The following TP63 variants were observed in gnomAD, a reference collection of about 807,000 sequenced individuals.
TP63 encodes the protein tumor protein 63.
Under a neutral mutation model 82.8 loss-of-function variants are expected in TP63, and 17 were observed. The observed-to-expected ratio is 0.21, with a 90% CI of 0.14 to 0.31. TP63 has a LOEUF of 0.31. Ranked by LOEUF, TP63 falls within the 10% of genes least tolerant of loss-of-function variation. TP63 has a pLI of 1.00. For synonymous variants in TP63, 330 were observed against 321.7 expected, an observed-to-expected ratio of 1.03 and a Z score of -0.28; for missense variants, 648 against 895.3, an observed-to-expected ratio of 0.72 and a Z score of 3.52.
intron 1 of TP63, among the ~76,000 whole-genome samples, chr3:189,692,044 G>A (rs907345306): frequency 3.3e-5 from 5 of 151,874 alleles, no homozygotes; most frequent in African/African-American, 1.2e-4. Flanking sequence ...TGTCATCTTC[G>A]GAAGCACCTA....
chr3:189,727,646 G>A (rs569396540), intron 1 of TP63, among the ~76,000 whole-genome samples: 1 of 152,098 alleles, frequency 6.6e-6, no homozygotes, highest in South Asian at 2.1e-4. Flanking sequence ...CTCCTCTACA[G>A]GTTTCTATTT....
At chr3:189,875,603 T>TGTATATATATATATATATAC (rs1186623352) in intron 10 of TP63, among the ~76,000 whole-genome samples, 2 of 35,114 alleles carry the variant, frequency 5.7e-5, no homozygotes, top group African/African-American at 1.6e-4. Flanking sequence ...CATATATATA[T>TGTATATATATATATATATAC]ATATATATAT....
In TP63 at chr3:189,865,529, G is replaced by A. The variant is rs894532564; in HGVS notation, c.766+1111G>A. Among the ~76,000 whole-genome samples the A allele has an allele frequency of 2.0e-5, 3 of 152,198 alleles. No individual in the cohort carries two copies. The South Asian group carries it at 6.3e-4, about 32-fold the overall frequency. ...TAAGCAATCCTCAAAGAGTATTGAG[G>A]GTGCCAAAGGTGTTGGGGGTTAGGA... On this transcript the variant is annotated intron_variant, in intron 5 of 13. Coordinates refer to ENST00000264731, the MANE Select transcript of TP63 (RefSeq NM_003722.5).
chr3:189,768,749 T>G (rs1723125428), intron 3 of TP63, among the ~76,000 whole-genome samples: 1 of 152,252 alleles, frequency 6.6e-6, no homozygotes, highest in South Asian at 2.1e-4. Context: ...TACTGAAAAC[T>G]TATTTGACAG....
intron 1 of TP63, among the ~76,000 whole-genome samples, chr3:189,638,689 A>T (rs949826089): frequency 3.3e-5 from 5 of 152,150 alleles, no homozygotes; most frequent in African/African-American, 1.2e-4. Context: ...GACAATTTTG[A>T]TTCGGGTGGT....
intron 1 of TP63, among the ~76,000 whole-genome samples, chr3:189,648,868 T>A (rs1017652203): frequency 8.9e-5 from 2 of 22,586 alleles, no homozygotes; most frequent in Non-Finnish European, 0.011. Flanking sequence ...TTTCATTTTA[T>A]AGATAAAGAA....
At chr3:189,737,904 G>A in intron 2 of TP63, 36 bp downstream of exon 2, 1 of 1,612,862 alleles carries the variant, frequency 6.2e-7, no homozygotes, top group Non-Finnish European at 8.5e-7. Flanking sequence ...TTTTGCTTGA[G>A]CTAAATAGGT....
chr3:189,844,349 G>A (rs377068756), intron 4 of TP63: 16 of 409,746 alleles, frequency 3.9e-5, no homozygotes, highest in Non-Finnish European at 5.0e-5. Flanking sequence ...TTTTTGGCAC[G>A]ACCTCAGCTC....
intron 4 of TP63, among the ~76,000 whole-genome samples, chr3:189,843,096 C>A (rs1360557561): frequency 6.6e-6 from 1 of 152,238 alleles, no homozygotes; most frequent in Non-Finnish European, 1.5e-5. Flanking sequence ...CGCCCCTTCC[C>A]AAGGTGGGTG....
intron 4 of TP63, among the ~76,000 whole-genome samples, chr3:189,837,944 GA>G (rs1378347786): frequency 6.6e-6 from 1 of 152,080 alleles, no homozygotes; most frequent in Non-Finnish European, 1.5e-5. Context: ...TACTTATGCT[GA>G]AAAATTTCAT....
At position 189,653,543 on chromosome 3, in the gene TP63, A is replaced by G. The variant is rs143074731; in HGVS notation, c.62+21966A>G. 9.2e-5 allele frequency among the ~76,000 whole-genome samples: 14 copies of G among 152,330 alleles called. No individual in the cohort carries two copies. In the East Asian group the frequency reaches 2.7e-3, roughly 29 times the overall value. ...AAACTATGTTATGTAATTTTCCTAG[A>G]TTTCTACTAAGTAGACTTATCTGCT... On this transcript the variant is annotated intron_variant, in intron 1 of 13. Transcript: ENST00000264731.
At chr3:189,612,941 C>G in the TP63 span, among the ~76,000 whole-genome samples, 5 of 152,194 alleles carry the variant, frequency 3.3e-5, no homozygotes, top group African/African-American at 1.2e-4. Context: ...AGCAGCAAAG[C>G]ATTCAAGAGG....
intron 1 of TP63, among the ~76,000 whole-genome samples, chr3:189,710,033 T>C (rs1718482649): frequency 6.6e-6 from 1 of 152,206 alleles, no homozygotes; most frequent in African/African-American, 2.4e-5. Flanking sequence ...TAGGGGGTTG[T>C]GTAATGTCAA....
At chr3:189,691,532 T>C (rs532627160) in intron 1 of TP63, among the ~76,000 whole-genome samples, 5 of 152,288 alleles carry the variant, frequency 3.3e-5, no homozygotes, top group Non-Finnish European at 4.4e-5. Context: ...GATGCCAATA[T>C]GACACTTCTG....
chr3:189,877,741 A>G (rs1435751790), intron 10 of TP63, among the ~76,000 whole-genome samples: 1 of 152,228 alleles, frequency 6.6e-6, no homozygotes, highest in African/African-American at 2.4e-5. Flanking sequence ...CTGTGAATTT[A>G]TAGCCAGTTT....
At chr3:189,701,518 T>TATAC (rs946813538) in intron 1 of TP63, among the ~76,000 whole-genome samples, 5 of 80,636 alleles carry the variant, frequency 6.2e-5, no homozygotes, top group African/African-American at 3.4e-4. Flanking sequence ...AGGAGATATA[T>TATAC]ATACATATAT....
At chr3:189,804,886 T>C (rs1318175082) in intron 3 of TP63, among the ~76,000 whole-genome samples, 1 of 152,226 alleles carries the variant, frequency 6.6e-6, no homozygotes, top group African/African-American at 2.4e-5. Flanking sequence ...TCAACTGAAA[T>C]GTGTTTTCCC....
At chr3:189,613,059 G>A in the TP63 span, among the ~76,000 whole-genome samples, 2 of 152,126 alleles carry the variant, frequency 1.3e-5, no homozygotes, top group African/African-American at 2.4e-5. Flanking sequence ...CATTTTCTGG[G>A]GAGAAATTCA....
chr3:189,811,775 C>G (rs1315132212), intron 4 of TP63, among the ~76,000 whole-genome samples: 1 of 152,114 alleles, frequency 6.6e-6, no homozygotes, highest in Non-Finnish European at 1.5e-5. Flanking sequence ...GGGAAGAATC[C>G]AGGCCTCCCT....
Sources: gnomAD v4.1 joint callset for allele counts (sites outside exome capture counted in the v4.1 genomes callset) on GRCh38, gnomAD v4.1.1 for gene constraint, MANE v1.5 for transcripts, NCBI Gene and HGNC (gene_info 2026-07-23, HGNC 2026-07-21) for gene names.